The following PDE10A variants were observed in gnomAD, a reference collection of about 807,000 sequenced individuals.
The protein encoded by PDE10A is phosphodiesterase 10A.
A neutral mutation model predicts 97.7 loss-of-function variants in PDE10A; 39 were observed. The observed-to-expected ratio is 0.40, with a 90% CI of 0.31 to 0.52. The LOEUF (loss-of-function observed/expected upper bound fraction) is 0.52, where lower values mean the gene tolerates loss of function less well. PDE10A is among the 20% of genes least tolerant of loss of function. PDE10A has a pLI of 0.56. For synonymous variants in PDE10A, 371 were observed against 376.8 expected (o/e 0.98, Z 0.18); for missense variants, 731 against 1,047.8 (o/e 0.70, Z 4.17).
intron 1 of PDE10A, among the ~76,000 whole-genome samples, chr6:165,870,171 T>C (rs1166899333): frequency 6.6e-6 from 1 of 152,102 alleles, no homozygotes; most frequent in Non-Finnish European, 1.5e-5. Flanking sequence ...ATCTTTGGAA[T>C]GGGAGAGAAA....
At chr6:165,920,931 G>A (rs1247554117) in intron 1 of PDE10A, among the ~76,000 whole-genome samples, 1 of 152,086 alleles carries the variant, frequency 6.6e-6, no homozygotes, top group Non-Finnish European at 1.5e-5. Flanking sequence ...TCCAAAATTT[G>A]TTTGGAGGAA....
chr6:165,762,999 A>G (rs1349220515), intron 1 of PDE10A, among the ~76,000 whole-genome samples: 1 of 152,254 alleles, frequency 6.6e-6, no homozygotes, highest in African/African-American at 2.4e-5. Context: ...AGGAAAAAGG[A>G]AATTATTTAT....
intron 2 of PDE10A, among the ~76,000 whole-genome samples, chr6:165,539,687 T>C (rs1002411098): frequency 2.6e-5 from 4 of 151,924 alleles, no homozygotes; most frequent in African/African-American, 4.8e-5. Flanking sequence ...TCCGGGAGGC[T>C]GGGGTGGGGG....
At chr6:165,340,564 T>G (rs910168526) in intron 19 of PDE10A, among the ~76,000 whole-genome samples, 1 of 152,244 alleles carries the variant, frequency 6.6e-6, no homozygotes, top group Non-Finnish European at 1.5e-5. Context: ...TCCCTTGCTC[T>G]CAAAGACTTG....
At chr6:165,760,363 C>T (rs907571791) in intron 1 of PDE10A, among the ~76,000 whole-genome samples, 2 of 152,208 alleles carry the variant, frequency 1.3e-5, no homozygotes, top group African/African-American at 4.8e-5. Flanking sequence ...AGACACGTGA[C>T]TCCTCACACA....
chr6:165,795,434 A>C (rs920039109), intron 1 of PDE10A, among the ~76,000 whole-genome samples: 1 of 152,078 alleles, frequency 6.6e-6, no homozygotes, highest in Non-Finnish European at 1.5e-5. Context: ...TGGCATAAAA[A>C]TGGGTCAAGG....
At chr6:165,468,270 A>G (rs1205461961) in intron 3 of PDE10A, among the ~76,000 whole-genome samples, 2 of 143,080 alleles carry the variant, frequency 1.4e-5, no homozygotes, top group Non-Finnish European at 3.1e-5. Context: ...TTTTTTTTTT[A>G]GTAGAGATGG....
chr6:165,682,783 A>G (rs1033616536), intron 1 of PDE10A, among the ~76,000 whole-genome samples: 2 of 152,144 alleles, frequency 1.3e-5, no homozygotes, highest in African/African-American at 2.4e-5. Flanking sequence ...TATAGACCAT[A>G]TTTACCATCA....
intron 1 of PDE10A, among the ~76,000 whole-genome samples, chr6:165,843,857 C>T (rs956607917): frequency 6.6e-6 from 1 of 152,210 alleles, no homozygotes; most frequent in Non-Finnish European, 1.5e-5. Flanking sequence ...AGGCTCAAGT[C>T]GGTGCCTAAA....
In PDE10A at chr6:165,691,589, G is replaced by GCA. The variant is rs771642535; in HGVS notation, c.-614-148022_-614-148021insTG. ...TGCCCATGCGCACGCATGCACGCGC[G>GCA]CGCACACACACACACACACACACAC... On this transcript the variant is annotated intron_variant, in intron 1 of 19. Coordinates refer to the PDE10A transcript ENST00000366882. Among the ~76,000 whole-genome samples, 900 of 144,550 alleles carry GCA rather than the reference G, an allele frequency of 6.2e-3. 6 individuals carry two copies. Among genetic ancestry groups the GCA allele is most frequent in the African/African-American group, 0.021 (844 of 39,498 alleles). 94.8% of individuals were successfully genotyped at this position (144,550 alleles called of 152,430 possible).
chr6:165,441,962 T>G (rs1790500113), intron 5 of PDE10A, among the ~76,000 whole-genome samples: 1 of 152,194 alleles, frequency 6.6e-6, no homozygotes, highest in Non-Finnish European at 1.5e-5. Context: ...GTTTTCACAT[T>G]TGTTAGTAAA....
At chr6:165,633,744 C>A (rs1788741446) in intron 1 of PDE10A, among the ~76,000 whole-genome samples, 1 of 151,908 alleles carries the variant, frequency 6.6e-6, no homozygotes, top group African/African-American at 2.4e-5. Flanking sequence ...TCTCATGCCT[C>A]AGCCTCCCGA....
chr6:165,980,136 A>G (rs976652594), intron 1 of PDE10A, among the ~76,000 whole-genome samples: 7 of 152,246 alleles, frequency 4.6e-5, no homozygotes, highest in African/African-American at 1.7e-4. Context: ...GGGACTTTCT[A>G]CATTTCAAAT....
At chr6:165,636,356 A>G (rs1179731872) in intron 1 of PDE10A, among the ~76,000 whole-genome samples, 1 of 152,220 alleles carries the variant, frequency 6.6e-6, no homozygotes. Flanking sequence ...TTTTCCTAGG[A>G]GCAAAATTGA....
chr6:165,972,305 G>T (rs1033578648), intron 1 of PDE10A, among the ~76,000 whole-genome samples: 1 of 151,892 alleles, frequency 6.6e-6, no homozygotes, highest in Non-Finnish European at 1.5e-5. Context: ...GGCCACCTGC[G>T]CAGGTGGACG....
intron 1 of PDE10A, among the ~76,000 whole-genome samples, chr6:165,731,305 G>T (rs1302315426): frequency 3.3e-5 from 5 of 152,202 alleles, no homozygotes; most frequent in Non-Finnish European, 7.3e-5. Context: ...CCTGTATGGG[G>T]AAAGTGCTAT....
At chr6:165,924,102 G>A (rs1782845417) in intron 1 of PDE10A, among the ~76,000 whole-genome samples, 1 of 152,224 alleles carries the variant, frequency 6.6e-6, no homozygotes, top group African/African-American at 2.4e-5. Context: ...ACCTGAATTG[G>A]ATAGAAGATC....
At chr6:165,580,205 G>T (rs767312294) in intron 1 of PDE10A, among the ~76,000 whole-genome samples, 58 of 152,170 alleles carry the variant, frequency 3.8e-4, no homozygotes, top group Non-Finnish European at 6.6e-4. Flanking sequence ...TTGAATAAAT[G>T]AACCCAATAC....
chr6:165,639,141 T>G (rs1789012846), intron 1 of PDE10A, among the ~76,000 whole-genome samples: 1 of 151,916 alleles, frequency 6.6e-6, no homozygotes, highest in South Asian at 2.1e-4. Flanking sequence ...GCTGGCTGTG[T>G]GATAGTAAAA....
Sources: gnomAD v4.1 joint callset for allele counts (sites outside exome capture counted in the v4.1 genomes callset) on GRCh38, gnomAD v4.1.1 for gene constraint, MANE v1.5 for transcripts, NCBI Gene and HGNC (gene_info 2026-07-23, HGNC 2026-07-21) for gene names.